LRP6: variants seen among roughly 807,000 people sequenced by gnomAD.
The protein encoded by LRP6 is LDL receptor related protein 6.
In LRP6, 43 loss-of-function variants were observed where a neutral mutation model predicts 184.1. The observed-to-expected ratio is 0.23, with a 90% CI of 0.18 to 0.30. The LOEUF (loss-of-function observed/expected upper bound fraction) is 0.30, where lower values mean the gene tolerates loss of function less well. LRP6 is among the 10% of genes least tolerant of loss of function. The probability of loss-of-function intolerance (pLI) is 1.00; values close to 1 mark genes in which losing one functional copy is unlikely to be tolerated. For missense variants in LRP6, 1,571 were observed against 2,005.3 expected (o/e 0.78, Z 4.14); for synonymous variants, 719 against 684.9 (o/e 1.05, Z -0.78).
intron 17 of LRP6, among the ~76,000 whole-genome samples, chr12:12,132,529 T>G (rs1407499227): frequency 6.6e-6 from 1 of 152,204 alleles, no homozygotes; most frequent in African/African-American, 2.4e-5. Flanking sequence ...TCATTGCTTT[T>G]TTTTGGCTAT....
intron 2 of LRP6, among the ~76,000 whole-genome samples, chr12:12,218,658 A>AT (rs1394459863): frequency 6.6e-6 from 1 of 152,060 alleles, no homozygotes; most frequent in Admixed American, 6.6e-5. Context: ...TAGGATGGTT[A>AT]TAACTTTTTA....
chr12:12,261,377 T>C (rs1265621288), intron 1 of LRP6, among the ~76,000 whole-genome samples: 3 of 145,076 alleles, frequency 2.1e-5, no homozygotes, highest in Non-Finnish European at 4.5e-5. Flanking sequence ...CACTCCAGCC[T>C]GGGCGACAGA....
chr12:12,253,552 C>A (rs1865379323), intron 1 of LRP6, among the ~76,000 whole-genome samples: 1 of 151,398 alleles, frequency 6.6e-6, no homozygotes, highest in South Asian at 2.1e-4. Context: ...TTAGGTGTAT[C>A]TCCTAATGCT....
At chr12:12,148,589 A>G (rs1950040813) in intron 14 of LRP6, among the ~76,000 whole-genome samples, 1 of 152,220 alleles carries the variant, frequency 6.6e-6, no homozygotes, top group Non-Finnish European at 1.5e-5. Flanking sequence ...AGTATAACTT[A>G]GAGAGGCACA....
At chr12:12,239,278 T>C (rs1177882225) in intron 2 of LRP6, among the ~76,000 whole-genome samples, 1 of 152,202 alleles carries the variant, frequency 6.6e-6, no homozygotes, top group African/African-American at 2.4e-5. Flanking sequence ...TAATTGGCTA[T>C]CTGCTTCTAT....
chr12:12,120,018 T>C lies in LRP6; in HGVS notation c.*1108A>G, dbSNP rs1460882309. On this transcript the variant is annotated 3_prime_UTR_variant, in exon 23 of 23. Transcript: ENST00000261349. ...ATATATATATATATATATATATATA[T>C]ATATATATATATATATATATATATA... is the stretch of plus-strand genomic sequence containing the variant. 1.9e-5 allele frequency: 2 copies of C among 103,688 alleles called. No homozygotes were observed. Among genetic ancestry groups the C allele is most frequent in the African/African-American group, 3.2e-5 (1 of 31,116 alleles). The allele number at this position is 103,688 out of a possible 1,614,324, so 6.4% of individuals were successfully genotyped here.
At chr12:12,158,333 C>CTT (rs141696010) in intron 12 of LRP6, among the ~76,000 whole-genome samples, 35 of 150,704 alleles carry the variant, frequency 2.3e-4, no homozygotes, top group African/African-American at 7.3e-4. Context: ...TTAATTTTTC[C>CTT]TTTTTTTTTG....
intron 3 of LRP6, among the ~76,000 whole-genome samples, chr12:12,201,459 T>C (rs1863912285): frequency 6.6e-6 from 1 of 152,176 alleles, no homozygotes; most frequent in Non-Finnish European, 1.5e-5. Context: ...CCCACCATCT[T>C]GTCCAGCAAA....
intron 7 of LRP6, among the ~76,000 whole-genome samples, chr12:12,176,919 C>T (rs1863200903): frequency 6.8e-6 from 1 of 146,730 alleles, no homozygotes; most frequent in South Asian, 2.1e-4. Context: ...ATCATCTCGG[C>T]TCACTGCAAC....
chr12:12,256,234 A>G (rs980187826), intron 1 of LRP6, among the ~76,000 whole-genome samples: 21 of 152,220 alleles, frequency 1.4e-4, no homozygotes, highest in Admixed American at 9.8e-4. Flanking sequence ...TAAACTATTT[A>G]GTGCTTCTCC....
chr12:12,155,707 T>C, intron 12 of LRP6: 1 of 991,510 alleles, frequency 1.0e-6, no homozygotes. Flanking sequence ...AGAAGCATAT[T>C]TTGTGAGAAC....
chr12:12,135,151 A>C, intron 17 of LRP6, 24 bp downstream of exon 17: 1 of 1,613,696 alleles, frequency 6.2e-7, no homozygotes. Flanking sequence ...TTAGGGTTGC[A>C]CAAGAAAATT....
intron 11 of LRP6, 112 bp from the exon 12 acceptor site, chr12:12,159,267 C>T (rs1321350849): frequency 2.6e-6 from 2 of 755,282 alleles, no homozygotes; most frequent in South Asian, 1.6e-5. Context: ...TAAAACATTA[C>T]ATTGTAAGCA....
rs1461625294 is a variant in LRP6, at chr12:12,162,070, T to C, written c.2279+123A>G. 7.8e-6 allele frequency: 6 copies of C among 765,076 alleles called. No individual in the cohort carries two copies. In the Admixed American group the frequency reaches 1.2e-4, roughly 15 times the overall value. 47.4% of individuals were successfully genotyped at this position (765,076 alleles called of 1,614,324 possible). On this transcript the variant is annotated intron_variant, in intron 10 of 22. Transcript: ENST00000261349. ...AATAGTGTTTTTAAAAGTTCATCTA[T>C]CATTTAGTTCTCAGATTCCTAATAC...
chr12:12,166,048 C>T (rs1156653561), intron 7 of LRP6, among the ~76,000 whole-genome samples: 2 of 152,108 alleles, frequency 1.3e-5, no homozygotes, highest in South Asian at 2.1e-4. Flanking sequence ...CTTGGGATAC[C>T]TTTATTGACA....
intron 5 of LRP6, among the ~76,000 whole-genome samples, chr12:12,182,330 T>G (rs1344448174): frequency 6.6e-6 from 1 of 152,202 alleles, no homozygotes; most frequent in Non-Finnish European, 1.5e-5. Flanking sequence ...TTTATTTCAC[T>G]GAATTTTAAA....
At chr12:12,131,665 A>G (rs1949760019) in intron 18 of LRP6, among the ~76,000 whole-genome samples, 156 bp downstream of exon 18, 1 of 152,236 alleles carries the variant, frequency 6.6e-6, no homozygotes, top group African/African-American at 2.4e-5. Context: ...GGAGTGAATT[A>G]AAACAATAAT....
Position 12,165,068 on chromosome 12 carries a change from G to C in LRP6, c.1762+11C>G, listed in dbSNP as rs1280317784. 6.2e-7 allele frequency: 1 copy of C among 1,600,568 alleles called. No homozygotes were observed. ...GGTTCCCATTTCTAAGAAAGCTTTG[G>C]AGTTACTCACCAATCACTCGATGAA... On this transcript the variant is annotated intron_variant, in intron 8 of 22. Coordinates refer to ENST00000261349, the MANE Select transcript of LRP6 (RefSeq NM_002336.3).
At chr12:12,207,993 T>C (rs1359936766) in intron 2 of LRP6, among the ~76,000 whole-genome samples, 1 of 151,908 alleles carries the variant, frequency 6.6e-6, no homozygotes. Flanking sequence ...TCCAGGAAAG[T>C]CATTAAACAA....
Sources: gnomAD v4.1 joint callset for allele counts (sites outside exome capture counted in the v4.1 genomes callset) on GRCh38, gnomAD v4.1.1 for gene constraint, MANE v1.5 for transcripts, NCBI Gene and HGNC (gene_info 2026-07-23, HGNC 2026-07-21) for gene names.